Variants in CNTNAP4 observed in about 807,000 individuals in gnomAD.
The protein encoded by CNTNAP4 is contactin associated protein family member 4, also known as contactin-associated protein-like 4.
In CNTNAP4, 98 loss-of-function variants were observed where a neutral mutation model predicts 148.4. The observed-to-expected ratio is 0.66, with a 90% CI of 0.56 to 0.78. The LOEUF (loss-of-function observed/expected upper bound fraction) is 0.78, where lower values mean the gene tolerates loss of function less well. Among genes scored for constraint, CNTNAP4 ranks in the 30% least tolerant of loss-of-function variants. The probability of loss-of-function intolerance (pLI) is 0.00; values close to 1 mark genes in which losing one functional copy is unlikely to be tolerated. For missense variants in CNTNAP4, 1,935 were observed against 1,565.6 expected (o/e 1.24, Z -3.98); for synonymous variants, 730 against 565.1 (o/e 1.29, Z -4.14).
Position 76,522,143 on chromosome 16 carries a change from G to C in CNTNAP4, c.2641G>C (p.Val881Leu). 6.2e-7 allele frequency: 1 copy of C among 1,613,996 alleles called. No individual in the cohort carries two copies. The highest frequency in any genetic ancestry group is 1.3e-5 in the African/African-American group (1 of 75,038). Residue 881 changes from valine (V) to leucine (L), a missense_variant, in exon 17 of 24, where the codon GTT (valine) becomes CTT (leucine). By Grantham distance (32) the Val-to-Leu change is conservative (BLOSUM62 1). Transcript: ENST00000611870. ...CGACAACCAGTGGCACCATGTGAGGGTTGAAAGGAACATGAAGGAGGCCTC... is the reference window on the plus strand; with the variant it reads ...CGACAACCAGTGGCACCATGTGAGGCTTGAAAGGAACATGAAGGAGGCCTC... ...FNDNQWHHVR[V>L]ERNMKEASLQ...
In CNTNAP4 at chr16:76,296,447, T is replaced by C. The variant is rs534465801; in HGVS notation, c.85+18700T>C. ...ACATTTAGGGCTTATGTATTTATCATTGGATGTGTAAAAAGAGAATTTGGT... is the reference window on the plus strand; with the variant it reads ...ACATTTAGGGCTTATGTATTTATCACTGGATGTGTAAAAAGAGAATTTGGT... On this transcript the variant is annotated intron_variant, in intron 1 of 23. Coordinates refer to ENST00000611870, the MANE Select transcript of CNTNAP4 (RefSeq NM_033401.5). 6.6e-5 allele frequency among the ~76,000 whole-genome samples: 10 copies of C among 152,318 alleles called. No individual in the cohort carries two copies. The South Asian group carries it at 1.4e-3, about 22-fold the overall frequency.
chr16:76,535,701 A>T lies in CNTNAP4; in HGVS notation c.2912A>T (p.Asn971Ile). 1 of 1,613,968 alleles carries T rather than the reference A, an allele frequency of 6.2e-7. No individual in the cohort carries two copies. Among genetic ancestry groups the T allele is most frequent in the Non-Finnish European group, 8.5e-7 (1 of 1,179,886 alleles). ...HCSSYGKLCRNGGKCRERPIG... is the reference protein window; with the variant it reads ...HCSSYGKLCRIGGKCRERPIG... ...AGCAGCTATGGGAAGTTATGCCGCAATGGAGGGAAATGCAGAGAAAGACCC... is the reference window on the plus strand; with the variant it reads ...AGCAGCTATGGGAAGTTATGCCGCATTGGAGGGAAATGCAGAGAAAGACCC... Residue 971 changes from asparagine (N) to isoleucine (I), a missense_variant, in exon 18 of 24, where the codon AAT becomes ATT. Asn to Ile is a moderately radical substitution (Grantham distance 149). Transcript: ENST00000611870.
chr16:76,479,471 G>A lies in CNTNAP4; in HGVS notation c.1815G>A (p.Gly605=). 3 of 1,610,684 alleles carry A rather than the reference G, an allele frequency of 1.9e-6. No homozygotes were observed. Among genetic ancestry groups the A allele is most frequent in the Non-Finnish European group, 2.5e-6 (3 of 1,178,480 alleles). The part of the protein sequence containing the change: ...EAYKHRGNTS[G]FYYIDSDGSG... ...ATAAGCACAGAGGAAATACTTCAGG[G>A]TTTTACTATATAGATTCAGATGGAA... The change falls in exon 12 of 24, where the codon GGG becomes GGA. Residue 605 remains glycine (G), a synonymous_variant. Coordinates refer to ENST00000611870, the MANE Select transcript of CNTNAP4 (RefSeq NM_033401.5).
At chr16:76,391,547 T>C (rs576178172) in intron 3 of CNTNAP4, among the ~76,000 whole-genome samples, 1 of 152,334 alleles carries the variant, frequency 6.6e-6, no homozygotes, top group Non-Finnish European at 1.5e-5. Flanking sequence ...TTGTCTTGTA[T>C]GCTATTCAAC....
chr16:76,488,707 C>A (rs1341327304), intron 12 of CNTNAP4, among the ~76,000 whole-genome samples: 1 of 152,150 alleles, frequency 6.6e-6, no homozygotes, highest in East Asian at 1.9e-4. Flanking sequence ...GTTTTCTTGT[C>A]TACTAAATCA....
At chr16:76,400,593 C>T (rs369202583) in intron 3 of CNTNAP4, among the ~76,000 whole-genome samples, 77 of 152,248 alleles carry the variant, frequency 5.1e-4, no homozygotes, top group African/African-American at 1.8e-3. Context: ...CTTTCAATGT[C>T]TTTGTCATGA....
intron 8 of CNTNAP4, among the ~76,000 whole-genome samples, chr16:76,461,194 C>T (rs1195255940): frequency 6.6e-6 from 1 of 152,036 alleles, no homozygotes; most frequent in African/African-American, 2.4e-5. Flanking sequence ...AGTGAAATCA[C>T]AAACAAACTT....
intron 2 of CNTNAP4, among the ~76,000 whole-genome samples, chr16:76,354,315 A>G (rs2012274092): frequency 6.6e-6 from 1 of 152,212 alleles, no homozygotes; most frequent in African/African-American, 2.4e-5. Flanking sequence ...CACGATATAC[A>G]GGAGTCACAT....
intron 3 of CNTNAP4, among the ~76,000 whole-genome samples, chr16:76,419,667 G>A (rs192388499): frequency 1.4e-3 from 209 of 152,182 alleles, no homozygotes; most frequent in Non-Finnish European, 2.3e-3. Flanking sequence ...GCATGGTGGT[G>A]TGTCATGTGT....
chr16:76,515,733 C>G (rs2083220886), intron 15 of CNTNAP4, among the ~76,000 whole-genome samples: 2 of 152,202 alleles, frequency 1.3e-5, no homozygotes, highest in South Asian at 4.2e-4. Context: ...GCATCATCAA[C>G]TGCTAGGCAA....
chr16:76,302,076 C>A (rs932344609), intron 1 of CNTNAP4, among the ~76,000 whole-genome samples: 2 of 151,950 alleles, frequency 1.3e-5, no homozygotes, highest in Non-Finnish European at 2.9e-5. Flanking sequence ...ACCGAAGCGA[C>A]CATTACCATG....
chr16:76,393,386 G>C (rs900554815), intron 3 of CNTNAP4, among the ~76,000 whole-genome samples: 15 of 152,178 alleles, frequency 9.9e-5, no homozygotes, highest in Non-Finnish European at 1.9e-4. Flanking sequence ...ATTTACCCCA[G>C]TGACAATGAT....
At chr16:76,419,908 CCT>C (rs1192100976) in intron 3 of CNTNAP4, among the ~76,000 whole-genome samples, 5 of 151,972 alleles carry the variant, frequency 3.3e-5, no homozygotes, top group African/African-American at 1.2e-4. Context: ...GCACTAATTT[CCT>C]CATGAAGGCC....
intron 1 of CNTNAP4, among the ~76,000 whole-genome samples, chr16:76,287,394 C>G (rs1030264114): frequency 3.3e-5 from 5 of 152,202 alleles, no homozygotes; most frequent in South Asian, 2.1e-4. Flanking sequence ...TTTTTTTAAC[C>G]TGTTCTCTTT....
chr16:76,523,404 C>T (rs986429130), intron 17 of CNTNAP4, among the ~76,000 whole-genome samples: 1 of 151,934 alleles, frequency 6.6e-6, no homozygotes, highest in Non-Finnish European at 1.5e-5. Flanking sequence ...TTTCTGGTCA[C>T]CTTCTTAATA....
chr16:76,449,684 C>T, intron 6 of CNTNAP4, 31 bp from the exon 7 acceptor site: 1 of 1,519,820 alleles, frequency 6.6e-7, no homozygotes, highest in Non-Finnish European at 8.8e-7. Context: ...AATCACTAAA[C>T]AATATTATTG....
At position 76,460,913 on chromosome 16, in the gene CNTNAP4, C is replaced by A. The variant is rs79951449; in HGVS notation, c.1334-1043C>A. On this transcript the variant is annotated intron_variant, in intron 8 of 23. Transcript: ENST00000611870. ...TGAACCTTTGCTCCTGGGGGAAATA[C>A]AGAGTTAGGTTCCTGGGAGCGTCTG... 8.4e-3 allele frequency among the ~76,000 whole-genome samples: 1,259 copies of A among 150,730 alleles called. 18 individuals carry two copies. The highest frequency in any genetic ancestry group is 0.029 in the African/African-American group (1,172 of 40,984).
intron 17 of CNTNAP4, among the ~76,000 whole-genome samples, chr16:76,527,157 C>T (rs920412035): frequency 5.9e-5 from 9 of 152,122 alleles, no homozygotes; most frequent in Non-Finnish European, 1.2e-4. Context: ...AATCTTCTTC[C>T]TCTCCTTTAA....
At chr16:76,491,504 GC>G (rs2082220274) in intron 13 of CNTNAP4, among the ~76,000 whole-genome samples, 2 of 152,330 alleles carry the variant, frequency 1.3e-5, no homozygotes, top group South Asian at 2.1e-4. Context: ...CATGGCATGA[GC>G]CCCCCTCATT....
Sources: allele counts gnomAD v4.1 joint callset (sites outside exome capture counted in the v4.1 genomes callset), GRCh38; gene constraint gnomAD v4.1.1; transcripts MANE v1.5; gene names NCBI Gene and HGNC (gene_info 2026-07-23, HGNC 2026-07-21).